Variants in ERAP2 observed in about 807,000 individuals in gnomAD.
The protein encoded by ERAP2 is leukocyte-derived arginine aminopeptidase.
In ERAP2, 118 loss-of-function variants were observed where a neutral mutation model predicts 111.1. That is an observed-to-expected ratio of 1.06 (90% confidence interval 0.92 to 1.24). The LOEUF is 1.24. ERAP2 is among the 50% of genes most tolerant of loss of function. ERAP2 has a pLI of 0.00. For synonymous variants in ERAP2, 410 were observed against 401.2 expected, an observed-to-expected ratio of 1.02 and a Z score of -0.26; for missense variants, 1,131 against 1,125.8, an observed-to-expected ratio of 1.00 and a Z score of -0.07.
chr5:96,908,145 A>G (rs1786308740), intron 13 of ERAP2, among the ~76,000 whole-genome samples: 1 of 152,216 alleles, frequency 6.6e-6, no homozygotes. Flanking sequence ...TGATAAGCCC[A>G]GAGGAGACAC....
intron 1 of ERAP2, among the ~76,000 whole-genome samples, chr5:96,877,910 T>A (rs1413670704): frequency 3.3e-5 from 5 of 152,254 alleles, no homozygotes; most frequent in African/African-American, 1.2e-4. Flanking sequence ...CCTGCATTAA[T>A]ATTGCAAATT....
rs1784891390 is a variant in ERAP2, at chr5:96,896,697, A to G, written c.1372-35A>G. On this transcript the variant is annotated intron_variant, in intron 8 of 18. Coordinates refer to ENST00000437043, the MANE Select transcript of ERAP2 (RefSeq NM_022350.5). ...AACATACCATACTACCATTTTCTTT[A>G]TCTCTTTTTTCAACTCTTTTGTTTT... 3.9e-6 allele frequency: 6 copies of G among 1,534,458 alleles called. No individual in the cohort carries two copies. In the South Asian group the frequency reaches 6.4e-5, roughly 16 times the overall value.
intron 1 of ERAP2, among the ~76,000 whole-genome samples, chr5:96,878,876 C>T (rs886710480): frequency 6.6e-6 from 1 of 151,956 alleles, no homozygotes; most frequent in Admixed American, 6.6e-5. Flanking sequence ...TGCAGTGAGC[C>T]AAGATAGTGC....
rs1785317374 is a variant in ERAP2 at position 96,900,369 on chromosome 5, C to T, written c.1572+180C>T. ...GCTTGGGGTATTTAGGGGGACAATGCTGTTGCTACTATATTTTTGTTGTTA... is the reference window on the plus strand; with the variant it reads ...GCTTGGGGTATTTAGGGGGACAATGTTGTTGCTACTATATTTTTGTTGTTA... On this transcript the variant is annotated intron_variant, in intron 10 of 18. Coordinates refer to ENST00000437043, the MANE Select transcript of ERAP2 (RefSeq NM_022350.5). 4.4e-6 allele frequency: 4 copies of T among 909,184 alleles called. No homozygotes were observed. In the African/African-American group the frequency reaches 5.0e-5, roughly 11 times the overall value. The allele number at this position is 909,184 out of a possible 1,614,324, so 56.3% of individuals were successfully genotyped here.
Position 96,903,404 on chromosome 5 carries a change from G to A in ERAP2, c.1856G>A (p.Ser619Asn), listed in dbSNP as rs1387071726. The change falls in exon 13 of 19, where the codon AGT becomes AAT. Residue 619 changes from serine to asparagine, a missense_variant. Transcript: ENST00000437043. ...ACTCTGGATCTACCTGAAAAGACCAGTTGGGTGAAATTTAATGTGGACTCA... is the reference window on the plus strand; with the variant it reads ...ACTCTGGATCTACCTGAAAAGACCAATTGGGTGAAATTTAATGTGGACTCA... ...TDTLDLPEKTSWVKFNVDSNG... is the reference protein window; with the variant it reads ...TDTLDLPEKTNWVKFNVDSNG... The A allele has an allele frequency of 6.2e-7, 1 of 1,613,404 alleles. No homozygotes were observed. Among genetic ancestry groups the A allele is most frequent in the Non-Finnish European group, 8.5e-7 (1 of 1,179,712 alleles).
At chr5:96,880,988 A>G (rs1225343155) in intron 2 of ERAP2, 1 of 158,682 alleles carries the variant, frequency 6.3e-6, no homozygotes, top group Non-Finnish European at 1.4e-5. Flanking sequence ...TTAAATTGAG[A>G]GCTGAGTTTT....
At chr5:96,913,113 AAAT>A (rs1439785111) in intron 16 of ERAP2, among the ~76,000 whole-genome samples, 5 of 152,226 alleles carry the variant, frequency 3.3e-5, no homozygotes, top group Admixed American at 1.3e-4. Context: ...AACTTATTTG[AAAT>A]AATAAGTAAA....
In ERAP2 at chr5:96,889,308, A is replaced by G; in HGVS notation, c.970+3A>G. 6.2e-7 allele frequency: 1 copy of G among 1,614,054 alleles called. No individual in the cohort carries two copies. Among genetic ancestry groups the G allele is most frequent in the Non-Finnish European group, 8.5e-7 (1 of 1,179,930 alleles). ...CTACTATCCACTCTCCAAACTGGGTATGTTCAAATTCCACATTATTGTCTT... is the reference window on the plus strand; with the variant it reads ...CTACTATCCACTCTCCAAACTGGGTGTGTTCAAATTCCACATTATTGTCTT... On this transcript the variant is annotated splice_donor_region_variant and intron_variant, in intron 5 of 18. Coordinates refer to ENST00000437043, the MANE Select transcript of ERAP2 (RefSeq NM_022350.5).
intron 4 of ERAP2, among the ~76,000 whole-genome samples, chr5:96,887,633 A>G (rs1220668298): frequency 6.6e-6 from 1 of 152,066 alleles, no homozygotes; most frequent in African/African-American, 2.4e-5. Context: ...TTTTTCCCTC[A>G]ATGAAAGAAG....
At chr5:96,895,153 A>AT in intron 6 of ERAP2, 93 bp from the exon 7 acceptor site, 1 of 644,146 alleles carries the variant, frequency 1.6e-6, no homozygotes, top group African/African-American at 2.5e-5. Flanking sequence ...ATCCTAACTA[A>AT]TAAAAAAAAA....
chr5:96,910,868 A>G (rs1377529893), intron 15 of ERAP2, among the ~76,000 whole-genome samples: 1 of 152,220 alleles, frequency 6.6e-6, no homozygotes, highest in Non-Finnish European at 1.5e-5. Context: ...TATGCCAGCC[A>G]GGTATTGCTG....
At position 96,900,107 on chromosome 5, in the gene ERAP2, T is replaced by C. The variant is rs751959974; in HGVS notation, c.1504-14T>C. On this transcript the variant is annotated splice_polypyrimidine_tract_variant and intron_variant, in intron 9 of 18. Coordinates refer to ENST00000437043, the MANE Select transcript of ERAP2 (RefSeq NM_022350.5). Reference sequence around the variant, plus strand: ...ATGCCTACATTGCAGTGCTCTTTTGTTCTTGTTTTGTAGAGTTGTTTAGAA... The same window carrying C: ...ATGCCTACATTGCAGTGCTCTTTTGCTCTTGTTTTGTAGAGTTGTTTAGAA... 1 of 1,613,774 alleles carries C rather than the reference T, an allele frequency of 6.2e-7. No homozygotes were observed.
intron 6 of ERAP2, among the ~76,000 whole-genome samples, chr5:96,892,956 C>T (rs1035575383): frequency 6.6e-6 from 1 of 151,992 alleles, no homozygotes; most frequent in African/African-American, 2.4e-5. Context: ...TTCAGTGTCC[C>T]CATCTATAAA....
chr5:96,886,550 C>A, intron 3 of ERAP2, 105 bp from the exon 4 acceptor site: 1 of 992,880 alleles, frequency 1.0e-6, no homozygotes, highest in African/African-American at 1.6e-5. Flanking sequence ...ATCGATTGTC[C>A]TTCAGAGTAT....
At chr5:96,913,295 C>A in intron 16 of ERAP2, 22 bp from the exon 17 acceptor site, 3 of 1,603,280 alleles carry the variant, frequency 1.9e-6, no homozygotes, top group Non-Finnish European at 2.6e-6. Flanking sequence ...TATTTAGAAA[C>A]AAATTATTTT....
intron 6 of ERAP2, 100 bp downstream of exon 6, chr5:96,892,553 T>A: frequency 3.6e-6 from 5 of 1,388,546 alleles, no homozygotes; most frequent in Non-Finnish European, 3.9e-6. Flanking sequence ...CTCATTTACC[T>A]CTAGAGGGGA....
chr5:96,913,421 A>G lies in ERAP2; in HGVS notation c.2621A>G (p.Asp874Gly). ...CCAAAGGGGCAGCAACTAGCATGGGATTTTGTAAGAGAAAATTGGACCCAT... is the reference window on the plus strand; with the variant it reads ...CCAAAGGGGCAGCAACTAGCATGGGGTTTTGTAAGAGAAAATTGGACCCAT... ...RRPKGQQLAW[D>G]FVRENWTHLL... Residue 874 changes from aspartate (D) to glycine (G), a missense_variant, in exon 17 of 19, where the codon GAT becomes GGT. This residue lies in a region of ERAP2 where 279 missense variants were observed against 250.9 expected (regional missense o/e 1.11). Transcript: ENST00000437043. 2 of 1,614,140 alleles carry G rather than the reference A, an allele frequency of 1.2e-6. 1 individual carries two copies. The highest frequency in any genetic ancestry group is 2.2e-5 in the South Asian group (2 of 91,076).
At chr5:96,912,031 T>C (rs1786823371) in intron 15 of ERAP2, among the ~76,000 whole-genome samples, 1 of 144,974 alleles carries the variant, frequency 6.9e-6, no homozygotes, top group African/African-American at 2.6e-5. Flanking sequence ...CTACTAAAAA[T>C]ACAAAAAAAT....
intron 4 of ERAP2, among the ~76,000 whole-genome samples, chr5:96,887,496 C>T (rs909141029): frequency 9.2e-5 from 14 of 152,064 alleles, no homozygotes; most frequent in African/African-American, 3.4e-4. Flanking sequence ...GATGGGGTTT[C>T]ACCATGTTGA....
Sources: gnomAD v4.1 joint callset for allele counts (sites outside exome capture counted in the v4.1 genomes callset) on GRCh38, gnomAD v4.1.1 for gene constraint, gnomAD v4.1.1 regional missense constraint, MANE v1.5 for transcripts, NCBI Gene and HGNC (gene_info 2026-07-23, HGNC 2026-07-21) for gene names.